Variants in TUBGCP2 observed in about 807,000 individuals in gnomAD.
The protein encoded by TUBGCP2 is gamma-tubulin complex component 2.
In TUBGCP2, 55 loss-of-function variants were observed where a neutral mutation model predicts 92.2. The ratio of observed to expected loss-of-function variants is 0.60; its 90% confidence interval spans 0.48 to 0.75. TUBGCP2 has a LOEUF of 0.75. Ranked by LOEUF, TUBGCP2 falls within the 30% of genes least tolerant of loss-of-function variation. The pLI is 0.00. For synonymous variants in TUBGCP2, 533 were observed against 505.2 expected (o/e 1.06, Z -0.74); for missense variants, 1,093 against 1,188.9 (o/e 0.92, Z 1.19).
Position 133,297,879 on chromosome 10 carries a change from C to T in TUBGCP2, c.616+73G>A, listed in dbSNP as rs531577776. The T allele has an allele frequency of 5.1e-5, 81 of 1,583,062 alleles. No homozygotes were observed. In the African/African-American group the frequency reaches 8.8e-4, roughly 17 times the overall value. On this transcript the variant is annotated intron_variant, in intron 5 of 17. Coordinates refer to ENST00000252936, the MANE Select transcript of TUBGCP2 (RefSeq NM_006659.4). The stretch of plus-strand genomic sequence containing the variant: ...AGGCCAGAAATAAACACATGACATA[C>T]CTATCGGCAGAGCCCGGAAATCAAC...
chr10:133,293,009 C>A, intron 7 of TUBGCP2, 30 bp downstream of exon 7: 1 of 1,607,776 alleles, frequency 6.2e-7, no homozygotes, highest in Non-Finnish European at 8.5e-7. Context: ...CCACCCACCA[C>A]TGCCCCATGC....
At position 133,298,084 on chromosome 10, in the gene TUBGCP2, G is replaced by A. The variant is rs773975087; in HGVS notation, c.484C>T (p.Arg162Ter). The A allele has an allele frequency of 1.4e-5, 23 of 1,613,882 alleles. No individual in the cohort carries two copies. Among genetic ancestry groups the A allele is most frequent in the Non-Finnish European group, 1.7e-5 (20 of 1,179,978 alleles). The change falls in exon 5 of 18, where the codon CGA becomes TGA. Residue 162 changes from arginine (R) to a stop codon, truncating the protein, a stop_gained. Coordinates refer to ENST00000252936, the MANE Select transcript of TUBGCP2 (RefSeq NM_006659.4). LOFTEE classifies it high-confidence loss of function. ...QSLELKRKML[R>*]DKQNKKNSGQ... Reference sequence around the variant, plus strand: ...GAATTTTTTTTGTTCTGCTTGTCTCGAAGCATCTTTCTTTTAAGTTCCAGA... The same window carrying A: ...GAATTTTTTTTGTTCTGCTTGTCTCAAAGCATCTTTCTTTTAAGTTCCAGA...
chr10:133,294,796 T>G (rs142928813), intron 5 of TUBGCP2, among the ~76,000 whole-genome samples: 50 of 152,190 alleles, frequency 3.3e-4, no homozygotes, highest in Non-Finnish European at 6.6e-4. Flanking sequence ...TTAAATTTTT[T>G]GTAAAGGTGG....
chr10:133,310,973 T>C (rs913536569), upstream of TUBGCP2, among the ~76,000 whole-genome samples: 5 of 152,186 alleles, frequency 3.3e-5, no homozygotes, highest in African/African-American at 1.2e-4. Context: ...GGCAAAATTT[T>C]CTATTTTTTG....
chr10:133,284,763 C>T (rs7074262), intron 13 of TUBGCP2, among the ~76,000 whole-genome samples: 124 of 152,318 alleles, frequency 8.1e-4, no homozygotes, highest in African/African-American at 2.5e-3. Flanking sequence ...TGTGGCTGTC[C>T]GCTCTCGGGA....
At chr10:133,298,570 A>C (rs993547757) in intron 4 of TUBGCP2, among the ~76,000 whole-genome samples, 3 of 152,252 alleles carry the variant, frequency 2.0e-5, no homozygotes, top group African/African-American at 7.2e-5. Flanking sequence ...CCCCAGCGTG[A>C]CAGGATGGCT....
chr10:133,296,326 T>G (rs1225302196), intron 5 of TUBGCP2, among the ~76,000 whole-genome samples: 1 of 152,178 alleles, frequency 6.6e-6, no homozygotes, highest in Non-Finnish European at 1.5e-5. Context: ...TTCTCCGAAG[T>G]CTGCCTGGGT....
intron 4 of TUBGCP2, among the ~76,000 whole-genome samples, chr10:133,298,795 A>C (rs1226513600): frequency 6.6e-6 from 1 of 152,234 alleles, no homozygotes; most frequent in Non-Finnish European, 1.5e-5. Flanking sequence ...CACCATGTCC[A>C]GCACAGAACG....
intron 16 of TUBGCP2, among the ~76,000 whole-genome samples, chr10:133,281,808 AC>A (rs1424747045): frequency 6.6e-6 from 1 of 152,186 alleles, no homozygotes; most frequent in Non-Finnish European, 1.5e-5. Context: ...GCGTGTGAAC[AC>A]GGGACTGCCC....
intron 4 of TUBGCP2, 37 bp from the exon 5 acceptor site, chr10:133,298,148 T>C: frequency 6.2e-7 from 1 of 1,604,498 alleles, no homozygotes; most frequent in Non-Finnish European, 8.5e-7. Flanking sequence ...ACCAGAAAGA[T>C]ACACTTTAGC....
chr10:133,297,397 C>G (rs766823685), intron 5 of TUBGCP2: 29 of 451,750 alleles, frequency 6.4e-5, no homozygotes, highest in Non-Finnish European at 1.2e-4. Flanking sequence ...GATTCCATCT[C>G]AAAAGAACTA....
chr10:133,309,018 G>C (rs1847913515), upstream of TUBGCP2: 1 of 1,261,754 alleles, frequency 7.9e-7, no homozygotes, highest in Non-Finnish European at 1.0e-6. Flanking sequence ...CTGTAGAGCG[G>C]GATCCCGCGG....
At position 133,299,582 on chromosome 10, in the gene TUBGCP2, T is replaced by A. The variant is rs1351398608; in HGVS notation, c.301A>T (p.Asn101Tyr). The part of the protein sequence containing the change: ...DKETLQYLQQ[N>Y]AKERAELAAA... ...GCAAGCTCAGCTCTTTCTTTTGCAT[T>A]CTGTTGTAAGTACTGCAGAGTCTGA... is the stretch of plus-strand genomic sequence containing the variant. The change falls in exon 4 of 18, where the codon AAT becomes TAT. Residue 101 changes from asparagine (N) to tyrosine (Y), a missense_variant. Physicochemically the swap from Asn to Tyr is moderately radical, Grantham distance 143. Coordinates refer to ENST00000252936, the MANE Select transcript of TUBGCP2 (RefSeq NM_006659.4). 1.9e-6 allele frequency: 3 copies of A among 1,612,514 alleles called. No homozygotes were observed. Among genetic ancestry groups the A allele is most frequent in the Non-Finnish European group, 2.5e-6 (3 of 1,179,242 alleles).
intron 1 of TUBGCP2, among the ~76,000 whole-genome samples, chr10:133,307,693 CCAG>C (rs1452711543): frequency 1.3e-5 from 2 of 152,106 alleles, no homozygotes; most frequent in Admixed American, 1.3e-4. Flanking sequence ...TGCAGTGAGC[CCAG>C]ATCGCGCCAC....
In TUBGCP2 at chr10:133,303,003, T is replaced by C; in HGVS notation, c.-39-23A>G. On this transcript the variant is annotated intron_variant, in intron 1 of 17. Transcript: ENST00000252936. ...CTCCTATAGGTAAGAAGACAGCTAT[T>C]CATAAAATTCAAACTGTAGAAATAA... The C allele has an allele frequency of 4.4e-6, 7 of 1,593,060 alleles. No individual in the cohort carries two copies. In the South Asian group the frequency reaches 7.7e-5, roughly 18 times the overall value.
intron 2 of TUBGCP2, chr10:133,302,565 G>T (rs1384328129): frequency 1.3e-5 from 7 of 550,280 alleles, no homozygotes; most frequent in African/African-American, 2.0e-5. Context: ...CTGAGGGGTG[G>T]GTTCACCCTG....
chr10:133,309,506 G>T (rs368532788), upstream of TUBGCP2: 18 of 1,586,316 alleles, frequency 1.1e-5, no homozygotes, highest in Non-Finnish European at 9.4e-6. Flanking sequence ...CTCCTGCGCC[G>T]CCTCCCTGAC....
upstream of TUBGCP2, chr10:133,310,217 G>A (rs539671414): frequency 3.1e-6 from 5 of 1,614,082 alleles, no homozygotes; most frequent in Admixed American, 3.3e-5. Flanking sequence ...GCAGAGACCG[G>A]AAGGATCACA....
At chr10:133,302,726 C>G (rs1847701446) in intron 2 of TUBGCP2, 66 bp downstream of exon 2, 2 of 1,597,716 alleles carry the variant, frequency 1.3e-6, no homozygotes. Flanking sequence ...GTGGGCTCAC[C>G]CTGCACCACC....
Sources: gnomAD v4.1 joint callset for allele counts (sites outside exome capture counted in the v4.1 genomes callset) on GRCh38, gnomAD v4.1.1 for gene constraint, MANE v1.5 for transcripts, NCBI Gene and HGNC (gene_info 2026-07-23, HGNC 2026-07-21) for gene names.